The following ADCK1 variants were observed in gnomAD, a reference collection of about 807,000 sequenced individuals.
ADCK1 encodes the protein aarF domain containing kinase 1, also known as aarF domain-containing protein kinase 1.
ADCK1 carries 41 observed loss-of-function variants against 52.3 expected under a neutral mutation model. The ratio of observed to expected loss-of-function variants is 0.78; its 90% CI spans 0.61 to 1.02. ADCK1 has a LOEUF of 1.02. Ranked by LOEUF, ADCK1 falls within the 50% of genes least tolerant of loss-of-function variation. The pLI is 0.00. For synonymous variants in ADCK1, 250 were observed against 274.6 expected, an observed-to-expected ratio of 0.91 and a Z score of 0.89; for missense variants, 658 against 679.5, an observed-to-expected ratio of 0.97 and a Z score of 0.35.
At chr14:77,912,886 G>A (rs146124535) in intron 7 of ADCK1, among the ~76,000 whole-genome samples, 1 of 152,136 alleles carries the variant, frequency 6.6e-6, no homozygotes. Context: ...GGAAACAACA[G>A]TTTAGCAGGC....
At chr14:77,827,081 C>T (rs1219446874) in intron 3 of ADCK1, among the ~76,000 whole-genome samples, 1 of 151,912 alleles carries the variant, frequency 6.6e-6, no homozygotes, top group Non-Finnish European at 1.5e-5. Context: ...TGGCTGGGCA[C>T]GGTGGCTCAC....
chr14:77,861,792 G>A (rs2082554490), intron 4 of ADCK1, among the ~76,000 whole-genome samples: 2 of 152,206 alleles, frequency 1.3e-5, no homozygotes, highest in African/African-American at 4.8e-5. Flanking sequence ...TTGCAGGCAG[G>A]TGGGGCCCGG....
intron 3 of ADCK1, among the ~76,000 whole-genome samples, chr14:77,836,414 A>T (rs906089145): frequency 6.6e-6 from 1 of 152,254 alleles, no homozygotes; most frequent in Non-Finnish European, 1.5e-5. Flanking sequence ...CAGTAGCCCA[A>T]TGAGGTAAAT....
chr14:77,850,676 TGTC>T (rs1477015747), intron 3 of ADCK1, among the ~76,000 whole-genome samples: 7 of 143,450 alleles, frequency 4.9e-5, no homozygotes, highest in Non-Finnish European at 9.1e-5. Context: ...TTTGAGATGG[TGTC>T]TTGCTCTGTT....
chr14:77,885,540 G>A (rs773417057), intron 4 of ADCK1, among the ~76,000 whole-genome samples: 26 of 152,274 alleles, frequency 1.7e-4, no homozygotes, highest in Admixed American at 4.6e-4. Flanking sequence ...TTTATGAGAC[G>A]AGATTAGGAA....
intron 3 of ADCK1, among the ~76,000 whole-genome samples, chr14:77,832,332 T>C (rs1330484684): frequency 1.3e-5 from 2 of 152,222 alleles, no homozygotes; most frequent in African/African-American, 4.8e-5. Flanking sequence ...CATCATGAAC[T>C]TGATCTTGAT....
chr14:77,899,334 C>A, intron 6 of ADCK1, 76 bp downstream of exon 6: 1 of 1,559,944 alleles, frequency 6.4e-7, no homozygotes, highest in Non-Finnish European at 8.8e-7. Context: ...CTGCCTTGAG[C>A]ATCCCTTTCA....
At chr14:77,861,297 C>G (rs1022050722) in intron 4 of ADCK1, among the ~76,000 whole-genome samples, 4 of 152,188 alleles carry the variant, frequency 2.6e-5, no homozygotes, top group African/African-American at 9.7e-5. Context: ...TCCCTGCCCT[C>G]TTCCTCCTCC....
chr14:77,837,847 A>G (rs73307387), intron 3 of ADCK1, among the ~76,000 whole-genome samples: 2,253 of 152,278 alleles, frequency 0.015, 56 homozygotes, highest in African/African-American at 0.051. Context: ...ATGTATTAAC[A>G]TGTTGACAAA....
chr14:77,833,115 A>G (rs1225134965), intron 3 of ADCK1, among the ~76,000 whole-genome samples: 1 of 152,202 alleles, frequency 6.6e-6, no homozygotes, highest in African/African-American at 2.4e-5. Context: ...TTTGTCTATT[A>G]GAACTCTGGC....
At chr14:77,848,001 CG>C (rs1207248707) in intron 3 of ADCK1, among the ~76,000 whole-genome samples, 2 of 152,100 alleles carry the variant, frequency 1.3e-5, no homozygotes, top group African/African-American at 4.8e-5. Flanking sequence ...TGTGAGGAAC[CG>C]GGGAGGGCAA....
At chr14:77,924,078 C>T (rs61992965) in intron 7 of ADCK1, 43,723 of 170,006 alleles carry the variant, frequency 0.26, 5,891 homozygotes, top group East Asian at 0.41. Flanking sequence ...TCAGCCCATT[C>T]TCAGCTTTGG....
At chr14:77,872,677 CTTTTT>C (rs35569874) in intron 4 of ADCK1, among the ~76,000 whole-genome samples, 1 of 140,908 alleles carries the variant, frequency 7.1e-6, no homozygotes, top group African/African-American at 2.6e-5. Flanking sequence ...TTCCCCACTC[CTTTTT>C]TTTTTTTTTG....
intron 4 of ADCK1, among the ~76,000 whole-genome samples, chr14:77,875,294 G>C (rs1030676831): frequency 3.9e-5 from 6 of 152,206 alleles, no homozygotes; most frequent in African/African-American, 1.4e-4. Flanking sequence ...CATGGACGGT[G>C]GTGGGTGTTA....
At chr14:77,801,266 G>A (rs1298110386) in intron 1 of ADCK1, among the ~76,000 whole-genome samples, 1 of 152,154 alleles carries the variant, frequency 6.6e-6, no homozygotes, top group African/African-American at 2.4e-5. Context: ...TGCAGTTGCT[G>A]TTGGTCTGGG....
Position 77,800,109 on chromosome 14 carries a change from GCTAATT to G in ADCK1, c.-71_-66del, listed in dbSNP as rs2139973157. ...GGTGGCTGTCCCCGCACGGTTCCCA[GCTAATT>G]CCCCGCTACCGGGTTGCGGCCGGAA... is the stretch of plus-strand genomic sequence containing the variant. On this transcript the variant is annotated 5_prime_UTR_variant, in exon 1 of 11. Transcript: ENST00000238561. 1 of 152,420 alleles carries G rather than the reference GCTAATT, an allele frequency of 6.6e-6. No homozygotes were observed. Among genetic ancestry groups the G allele is most frequent in the South Asian group, 2.1e-4 (1 of 4,834 alleles). 9.4% of individuals were successfully genotyped at this position (152,420 alleles called of 1,614,324 possible).
At chr14:77,862,691 T>G (rs1231897105) in intron 4 of ADCK1, among the ~76,000 whole-genome samples, 2 of 152,214 alleles carry the variant, frequency 1.3e-5, no homozygotes, top group Non-Finnish European at 2.9e-5. Context: ...TTCAGCACCT[T>G]TTCCTTCATT....
At chr14:77,911,290 C>T (rs779419985) in intron 7 of ADCK1, among the ~76,000 whole-genome samples, 1 of 152,214 alleles carries the variant, frequency 6.6e-6, no homozygotes, top group East Asian at 1.9e-4. Context: ...CCTCTACCTT[C>T]TCCATTTCCC....
At chr14:77,860,823 G>A (rs535332807) in intron 4 of ADCK1, among the ~76,000 whole-genome samples, 60 of 152,290 alleles carry the variant, frequency 3.9e-4, no homozygotes, top group African/African-American at 1.4e-3. Context: ...AATAAATCAC[G>A]GTAATAACAG....
Sources: allele counts gnomAD v4.1 joint callset (sites outside exome capture counted in the v4.1 genomes callset), GRCh38; gene constraint gnomAD v4.1.1; transcripts MANE v1.5; gene names NCBI Gene and HGNC (gene_info 2026-07-23, HGNC 2026-07-21).